NLRP4: variants seen among roughly 807,000 people sequenced by gnomAD.
NLRP4 encodes NACHT, LRR and PYD domains-containing protein 4.
Under a neutral mutation model 84.7 loss-of-function variants are expected in NLRP4, and 44 were observed. That is an observed-to-expected ratio of 0.52 (90% CI 0.41 to 0.67). NLRP4 has a LOEUF of 0.67. NLRP4 is among the 30% of genes least tolerant of loss of function. NLRP4 has a pLI of 0.00. For missense variants in NLRP4, 1,260 were observed against 1,219.4 expected, an observed-to-expected ratio of 1.03 and a Z score of -0.50; for synonymous variants, 544 against 476.4, an observed-to-expected ratio of 1.14 and a Z score of -1.85.
At chr19:55,863,607 T>G (rs985099425) in intron 5 of NLRP4, among the ~76,000 whole-genome samples, 1 of 151,996 alleles carries the variant, frequency 6.6e-6, no homozygotes, top group Admixed American at 6.6e-5. Context: ...AGGCCCCTCC[T>G]CCAACACTGG....
intron 1 of NLRP4, among the ~76,000 whole-genome samples, chr19:55,846,375 G>A (rs773514730): frequency 3.9e-5 from 6 of 152,044 alleles, no homozygotes; most frequent in Admixed American, 1.3e-4. Flanking sequence ...TGTTCCATTA[G>A]TCTATATCTC....
rs768040712 is a variant in NLRP4, at chr19:55,858,155, A to C, written c.762A>C (p.Lys254Asn). The C allele has an allele frequency of 6.2e-7, 1 of 1,614,110 alleles. No individual in the cohort carries two copies. Among genetic ancestry groups the C allele is most frequent in the South Asian group, 1.1e-5 (1 of 91,080 alleles). The change falls in exon 3 of 10, where the codon AAA becomes AAC. Residue 254 changes from lysine to asparagine, a missense_variant. Lys to Asn is a moderately conservative substitution (Grantham distance 94). This residue lies in a region of NLRP4 where 712 missense variants were observed against 669.2 expected (regional missense o/e 1.06). Coordinates refer to ENST00000301295, the MANE Select transcript of NLRP4 (RefSeq NM_134444.5). This position sits in a 1 kb window ranked among gnomAD's most constrained non-coding sequence, Gnocchi z 4.2. ...ATCTGTGTGGTGACTTGATGGAGAA[A>C]CGGCCGGTGCAGGTGCTTCTGAGCA... is the stretch of plus-strand genomic sequence containing the variant. Reference protein sequence around the residue: ...DSDLCGDLMEKRPVQVLLSSL... With the variant: ...DSDLCGDLMENRPVQVLLSSL...
chr19:55,852,265 A>C lies in NLRP4; in HGVS notation c.185A>C (p.His62Pro). ...GAACTTGCAAACCTCTTGATCAAGCACTATGAAGAACAACAAGCTTGGAAC... is the reference window on the plus strand; with the variant it reads ...GAACTTGCAAACCTCTTGATCAAGCCCTATGAAGAACAACAAGCTTGGAAC... ...REELANLLIKHYEEQQAWNIT... is the reference protein window; with the variant it reads ...REELANLLIKPYEEQQAWNIT... Residue 62 changes from histidine to proline, a missense_variant, in exon 2 of 10, where the codon CAC becomes CCC. Transcript: ENST00000301295. The C allele has an allele frequency of 6.2e-7, 1 of 1,606,718 alleles. No homozygotes were observed. The highest frequency in any genetic ancestry group is 8.5e-7 in the Non-Finnish European group (1 of 1,177,370).
intron 5 of NLRP4, among the ~76,000 whole-genome samples, chr19:55,863,308 A>C (rs1242584877): frequency 6.6e-6 from 1 of 152,200 alleles, no homozygotes; most frequent in Non-Finnish European, 1.5e-5. Flanking sequence ...GCGCTGCTAT[A>C]AAGACATACC....
intron 1 of NLRP4, among the ~76,000 whole-genome samples, chr19:55,842,722 TTG>T (rs1358276518): frequency 6.6e-6 from 1 of 151,120 alleles, no homozygotes; most frequent in East Asian, 1.9e-4. Context: ...GTTGGAAAAT[TTG>T]TCATTTATCT....
intron 1 of NLRP4, among the ~76,000 whole-genome samples, chr19:55,842,311 A>G (rs763624248): frequency 1.6e-4 from 25 of 152,074 alleles, no homozygotes; most frequent in Non-Finnish European, 3.2e-4. Flanking sequence ...GTTGACCATC[A>G]CTTTTTTATT....
chr19:55,858,995 C>T lies in NLRP4; in HGVS notation c.1602C>T (p.Cys534=). The T allele has an allele frequency of 6.2e-7, 1 of 1,614,116 alleles. No homozygotes were observed. The highest frequency in any genetic ancestry group is 8.5e-7 in the Non-Finnish European group (1 of 1,180,020). The change falls in exon 3 of 10, where the codon TGC becomes TGT. Residue 534 remains cysteine, a synonymous_variant. Coordinates refer to ENST00000301295, the MANE Select transcript of NLRP4 (RefSeq NM_134444.5). This position sits in a 1 kb window ranked among gnomAD's most constrained non-coding sequence, Gnocchi z 4.2. ...SQEIKQQIHQ[C]LKSLGERGNP... ...AGATAAAGCAGCAAATTCACCAGTG[C>T]CTGAAGAGCTTAGGGGAGCGTGGCA...
intron 5 of NLRP4, among the ~76,000 whole-genome samples, chr19:55,864,187 C>T (rs185982896): frequency 4.6e-4 from 70 of 152,240 alleles, no homozygotes; most frequent in African/African-American, 1.5e-3. Flanking sequence ...GTTCTCATTA[C>T]CTCAGAAAGA....
At chr19:55,865,792 T>C (rs1042340436) in intron 5 of NLRP4, among the ~76,000 whole-genome samples, 3 of 152,212 alleles carry the variant, frequency 2.0e-5, no homozygotes, top group Non-Finnish European at 2.9e-5. Flanking sequence ...TTTGTCAAGT[T>C]GTAAGTGTTC....
intron 5 of NLRP4, among the ~76,000 whole-genome samples, chr19:55,867,156 A>G (rs1341247541): frequency 8.0e-5 from 12 of 150,766 alleles, no homozygotes; most frequent in Non-Finnish European, 1.5e-5. Flanking sequence ...TCTGTACCCC[A>G]GAGACCATAA....
Position 55,858,539 on chromosome 19 carries a change from T to C in NLRP4, c.1146T>C (p.Pro382=), listed in dbSNP as rs1175456500. The stretch of plus-strand genomic sequence containing the variant: ...CTTTCGTCTTTAACCTGTTCACACC[T>C]GAGGGTGCCGAGGGCCCGACTCCGC... ...YSSFVFNLFT[P]EGAEGPTPQT... The change falls in exon 3 of 10, where the codon CCT becomes CCC. Residue 382 remains proline (P), a synonymous_variant. Coordinates refer to ENST00000301295, the MANE Select transcript of NLRP4 (RefSeq NM_134444.5). This position sits in a 1 kb window ranked among gnomAD's most constrained non-coding sequence, Gnocchi z 4.2. 2 of 1,614,154 alleles carry C rather than the reference T, an allele frequency of 1.2e-6. No homozygotes were observed. Among genetic ancestry groups the C allele is most frequent in the Non-Finnish European group, 8.5e-7 (1 of 1,180,022 alleles).
chr19:55,837,731 T>G (rs1406081161), intron 1 of NLRP4, among the ~76,000 whole-genome samples: 3 of 152,016 alleles, frequency 2.0e-5, no homozygotes, highest in Non-Finnish European at 4.4e-5. Flanking sequence ...ATGACGGGTG[T>G]CCTTATGAAA....
At chr19:55,850,131 G>A (rs1354927514) in intron 1 of NLRP4, among the ~76,000 whole-genome samples, 4 of 141,512 alleles carry the variant, frequency 2.8e-5, no homozygotes, top group Non-Finnish European at 6.1e-5. Flanking sequence ...TGTAATTTCC[G>A]TGGCTGCGGT....
intron 7 of NLRP4, 93 bp downstream of exon 7, chr19:55,871,090 G>C: frequency 9.0e-7 from 1 of 1,105,884 alleles, no homozygotes; most frequent in Non-Finnish European, 1.3e-6. Flanking sequence ...GAAGGCTGTA[G>C]TGTCTGTGCC....
rs780556532 is a variant in NLRP4 at position 55,852,215 on chromosome 19, T to C, written c.135T>C (p.Thr45=). Residue 45 remains threonine (T), a synonymous_variant, in exon 2 of 10, where the codon ACT becomes ACC. Coordinates refer to ENST00000301295, the MANE Select transcript of NLRP4 (RefSeq NM_134444.5). ...LQLELKQIPW[T]EVKKASREEL... Reference sequence around the variant, plus strand: ...TTGAACTCAAGCAGATTCCCTGGACTGAGGTCAAAAAAGCATCCCGGGAAG... The same window carrying C: ...TTGAACTCAAGCAGATTCCCTGGACCGAGGTCAAAAAAGCATCCCGGGAAG... 2 of 1,609,546 alleles carry C rather than the reference T, an allele frequency of 1.2e-6. No individual in the cohort carries two copies. The highest frequency in any genetic ancestry group is 1.1e-5 in the South Asian group (1 of 89,668).
At chr19:55,850,667 G>T (rs1383443618) in intron 1 of NLRP4, among the ~76,000 whole-genome samples, 6 of 102,166 alleles carry the variant, frequency 5.9e-5, no homozygotes, top group Admixed American at 1.8e-4. Flanking sequence ...GCGGTGTAAT[G>T]TCCGTGGCTG....
At chr19:55,840,564 A>AT (rs1315724810) in intron 1 of NLRP4, among the ~76,000 whole-genome samples, 1 of 151,568 alleles carries the variant, frequency 6.6e-6, no homozygotes, top group Non-Finnish European at 1.5e-5. Context: ...ATTATTTTTT[A>AT]TTTTTTGGTA....
chr19:55,860,073 C>T (rs1204126142), intron 3 of NLRP4, among the ~76,000 whole-genome samples: 3 of 151,008 alleles, frequency 2.0e-5, no homozygotes, highest in African/African-American at 7.3e-5. Context: ...GCAAGCTCCG[C>T]CTCCCAGGTT....
In NLRP4 at chr19:55,878,837, G is replaced by T. The variant is rs143710343; in HGVS notation, c.2740G>T (p.Ala914Ser). 8.6e-5 allele frequency: 139 copies of T among 1,613,552 alleles called. No homozygotes were observed. Among genetic ancestry groups the T allele is most frequent in the Non-Finnish European group, 1.1e-4 (125 of 1,179,750 alleles). Residue 914 changes from alanine (A) to serine (S), a missense_variant, in exon 9 of 10, where the codon GCG becomes TCG. Transcript: ENST00000301295. ...GLTSTCCKDLASVLTCSKTLQ... is the reference protein window; with the variant it reads ...GLTSTCCKDLSSVLTCSKTLQ... Reference sequence around the variant, plus strand: ...AACGAGCACCTGCTGTAAGGATCTCGCGTCTGTTCTCACCTGCAGTAAGAC... The same window carrying T: ...AACGAGCACCTGCTGTAAGGATCTCTCGTCTGTTCTCACCTGCAGTAAGAC...
Sources: allele counts gnomAD v4.1 joint callset (sites outside exome capture counted in the v4.1 genomes callset), GRCh38; gene constraint gnomAD v4.1.1; regional missense constraint gnomAD v4.1.1; non-coding constraint Gnocchi (gnomAD v3.1); transcripts MANE v1.5; gene names NCBI Gene and HGNC (gene_info 2026-07-23, HGNC 2026-07-21).